SOX5: variants seen among roughly 807,000 people sequenced by gnomAD.
SOX5 encodes the protein SRY-box transcription factor 5, also known as transcription factor SOX-5.
Under a neutral mutation model 92.0 loss-of-function variants are expected in SOX5, and 9 were observed. The ratio of observed to expected loss-of-function variants is 0.10; its 90% CI spans 0.06 to 0.17. The LOEUF (loss-of-function observed/expected upper bound fraction) is 0.17. Ranked by LOEUF, SOX5 falls within the 10% of genes least tolerant of loss-of-function variation. The pLI is 1.00. For synonymous variants in SOX5, 344 were observed against 336.3 expected (o/e 1.02, Z -0.25); for missense variants, 642 against 944.5 (o/e 0.68, Z 4.20).
At chr12:23,817,565 C>A (rs946345174) in intron 3 of SOX5, among the ~76,000 whole-genome samples, 6 of 152,044 alleles carry the variant, frequency 3.9e-5, no homozygotes. Context: ...AGAGATAGAT[C>A]CAGTGAATAT....
intron 4 of SOX5, among the ~76,000 whole-genome samples, chr12:23,965,232 G>T (rs1274868301): frequency 6.6e-6 from 1 of 152,200 alleles, no homozygotes; most frequent in Non-Finnish European, 1.5e-5. Flanking sequence ...TCATTGTCCG[G>T]AACAGGTGGT....
At chr12:23,716,993 C>T (rs914063516) in intron 6 of SOX5, among the ~76,000 whole-genome samples, 2 of 152,158 alleles carry the variant, frequency 1.3e-5, no homozygotes, top group Admixed American at 6.5e-5. Context: ...TCTTCCAAGT[C>T]CTATGCCCTT....
chr12:24,122,829 A>G (rs1257104602), intron 4 of SOX5, among the ~76,000 whole-genome samples: 2 of 152,194 alleles, frequency 1.3e-5, no homozygotes, highest in African/African-American at 4.8e-5. Context: ...AGGTCAGCAG[A>G]ACATAACTAC....
chr12:24,535,232 C>T (rs1180238590), intron 1 of SOX5, among the ~76,000 whole-genome samples: 1 of 152,158 alleles, frequency 6.6e-6, no homozygotes, highest in Non-Finnish European at 1.5e-5. Flanking sequence ...ACTGGAAGAC[C>T]CCTTCTGCAA....
chr12:24,246,362 A>G (rs937752631), intron 3 of SOX5, among the ~76,000 whole-genome samples: 1 of 151,960 alleles, frequency 6.6e-6, no homozygotes, highest in African/African-American at 2.4e-5. Flanking sequence ...TATTAAACCT[A>G]ATGTTTCAAA....
At chr12:23,535,475 C>G (rs918752206) in intron 14 of SOX5, among the ~76,000 whole-genome samples, 1 of 152,168 alleles carries the variant, frequency 6.6e-6, no homozygotes, top group Non-Finnish European at 1.5e-5. Flanking sequence ...AACAAGAGAC[C>G]CTGTCTCCTC....
intron 2 of SOX5, among the ~76,000 whole-genome samples, chr12:24,335,598 C>G (rs1164443613): frequency 1.3e-5 from 2 of 152,068 alleles, no homozygotes; most frequent in Non-Finnish European, 2.9e-5. Context: ...AGGACCTTAA[C>G]GACCATGCTG....
chr12:23,884,403 G>T (rs2097037075), intron 2 of SOX5, among the ~76,000 whole-genome samples: 1 of 152,030 alleles, frequency 6.6e-6, no homozygotes, highest in Non-Finnish European at 1.5e-5. Flanking sequence ...TACATGAAAG[G>T]TTTAACAAAT....
chr12:23,547,046 T>C (rs1005442756), intron 11 of SOX5, among the ~76,000 whole-genome samples: 1 of 152,142 alleles, frequency 6.6e-6, no homozygotes, highest in Admixed American at 6.6e-5. Context: ...GGCGAATTAT[T>C]TGAGATACAA....
chr12:24,491,553 A>G (rs1199985526), intron 1 of SOX5, among the ~76,000 whole-genome samples: 1 of 152,188 alleles, frequency 6.6e-6, no homozygotes, highest in African/African-American at 2.4e-5. Context: ...TTTTTAAAGT[A>G]AAAATGCAAA....
At chr12:23,845,756 C>T (rs920864816) in intron 3 of SOX5, among the ~76,000 whole-genome samples, 1 of 152,066 alleles carries the variant, frequency 6.6e-6, no homozygotes, top group African/African-American at 2.4e-5. Context: ...AACTAATTTA[C>T]TCATATGTGA....
At chr12:24,031,019 T>C (rs1311816906) in intron 4 of SOX5, among the ~76,000 whole-genome samples, 1 of 151,822 alleles carries the variant, frequency 6.6e-6, no homozygotes, top group African/African-American at 2.4e-5. Context: ...GTTAGAATGC[T>C]ATTATGAAAA....
chr12:24,062,850 C>A (rs781739518), intron 4 of SOX5, among the ~76,000 whole-genome samples: 3 of 152,136 alleles, frequency 2.0e-5, no homozygotes, highest in Non-Finnish European at 4.4e-5. Context: ...TCATATTCTT[C>A]GGCTACAGAC....
At chr12:23,693,870 T>C (rs908883862) in intron 6 of SOX5, among the ~76,000 whole-genome samples, 4 of 152,230 alleles carry the variant, frequency 2.6e-5, no homozygotes, top group African/African-American at 9.6e-5. Context: ...TTTAATTTCT[T>C]TGCTTTCCAT....
chr12:23,661,036 C>G (rs886226050), intron 7 of SOX5, among the ~76,000 whole-genome samples: 1 of 152,138 alleles, frequency 6.6e-6, no homozygotes, highest in African/African-American at 2.4e-5. Flanking sequence ...TAAATATTCT[C>G]TATCTGTAGC....
chr12:23,852,724 T>C (rs143472931), intron 2 of SOX5, among the ~76,000 whole-genome samples: 36 of 152,288 alleles, frequency 2.4e-4, no homozygotes, highest in African/African-American at 7.9e-4. Context: ...TGACAGGTGA[T>C]TTTTATAAAC....
chr12:24,485,981 GGGTA>G (rs1181859944), intron 1 of SOX5, among the ~76,000 whole-genome samples: 6 of 152,114 alleles, frequency 3.9e-5, no homozygotes, highest in African/African-American at 1.4e-4. Flanking sequence ...TGTTGAGACA[GGGTA>G]TCTGTTGCCC....
Position 24,386,163 on chromosome 12 carries a change from T to C in SOX5, c.-250-17524A>G, listed in dbSNP as rs116553911. Reference sequence around the variant, plus strand: ...GAGGAAAAAAATTGGTTCCATTATATGCTGTTTCACTTAGAGTTGCAGTTT... The same window carrying C: ...GAGGAAAAAAATTGGTTCCATTATACGCTGTTTCACTTAGAGTTGCAGTTT... On this transcript the variant is annotated intron_variant, in intron 1 of 4. Transcript: ENST00000446891. 2.3e-3 allele frequency among the ~76,000 whole-genome samples: 353 copies of C among 152,260 alleles called. 1 individual carries two copies. The highest frequency in any genetic ancestry group is 8.1e-3 in the African/African-American group (335 of 41,558).
At chr12:23,598,387 CTTTTTTTTTTTT>C (rs201719026) in intron 9 of SOX5, among the ~76,000 whole-genome samples, 25 of 95,164 alleles carry the variant, frequency 2.6e-4, no homozygotes, top group African/African-American at 5.7e-4. Flanking sequence ...TGTGCTTTAT[CTTTTTTTTTTTT>C]TTTTTTTTTT....
Sources: allele counts gnomAD v4.1 joint callset (sites outside exome capture counted in the v4.1 genomes callset), GRCh38; gene constraint gnomAD v4.1.1; transcripts MANE v1.5; gene names NCBI Gene and HGNC (gene_info 2026-07-23, HGNC 2026-07-21).